LRRTM4: variants seen among roughly 807,000 people sequenced by gnomAD.
LRRTM4 encodes leucine rich repeat transmembrane neuronal 4.
In LRRTM4, 25 loss-of-function variants were observed where a neutral mutation model predicts 47.6. The observed-to-expected ratio is 0.53, with a 90% CI of 0.38 to 0.73. The LOEUF is 0.73. Ranked by LOEUF, LRRTM4 falls within the 30% of genes least tolerant of loss-of-function variation. The probability of loss-of-function intolerance (pLI) is 0.00; values close to 1 mark genes in which losing one functional copy is unlikely to be tolerated. For missense variants in LRRTM4, 638 were observed against 713.4 expected (o/e 0.89, Z 1.20); for synonymous variants, 311 against 269.5 (o/e 1.15, Z -1.51).
chr2:76,973,346 T>G (rs1013292419), intron 3 of LRRTM4, among the ~76,000 whole-genome samples: 1 of 152,026 alleles, frequency 6.6e-6, no homozygotes, highest in African/African-American at 2.4e-5. Flanking sequence ...TTAGATTGAA[T>G]AGCTAACTTT....
At chr2:77,515,609 A>T (rs58752844) in intron 3 of LRRTM4, among the ~76,000 whole-genome samples, 1 of 151,664 alleles carries the variant, frequency 6.6e-6, no homozygotes, top group African/African-American at 2.4e-5. Flanking sequence ...ATTTTTTTTT[A>T]AAAAAACCTA....
chr2:77,314,485 T>C (rs1677561713), intron 3 of LRRTM4, among the ~76,000 whole-genome samples: 1 of 152,220 alleles, frequency 6.6e-6, no homozygotes, highest in African/African-American at 2.4e-5. Context: ...TAGGATCTTA[T>C]CATATTTACC....
At chr2:77,139,333 T>G (rs1210331342) in intron 3 of LRRTM4, among the ~76,000 whole-genome samples, 1 of 152,092 alleles carries the variant, frequency 6.6e-6, no homozygotes, top group Non-Finnish European at 1.5e-5. Flanking sequence ...CGAAAATCAA[T>G]AAACATAATC....
intron 3 of LRRTM4, among the ~76,000 whole-genome samples, chr2:77,308,883 C>T (rs1558681102): frequency 6.6e-6 from 1 of 151,990 alleles, no homozygotes; most frequent in African/African-American, 2.4e-5. Flanking sequence ...GCAAACTCCA[C>T]GTCTCTGTAG....
chr2:76,748,738 CTGGCGATGG>C lies in LRRTM4; in HGVS notation c.1721_1729del (p.Thr574_Ala576del), dbSNP rs1672736619. 6.2e-7 allele frequency: 1 copy of C among 1,613,798 alleles called. No homozygotes were observed. Among genetic ancestry groups the C allele is most frequent in the Non-Finnish European group, 8.5e-7 (1 of 1,179,890 alleles). ...TAGGTAGATGGCCGGTGCTGCCGACCTGGCGATGGTGGCGATGAAGCTGTGGTCTCGGCC... is the reference window on the plus strand; with the variant it reads ...TAGGTAGATGGCCGGTGCTGCCGACCTGGCGATGAAGCTGTGGTCTCGGCC... On this transcript the variant is annotated inframe_deletion, in exon 4 of 4. Coordinates refer to ENST00000409884, the MANE Select transcript of LRRTM4 (RefSeq NM_001134745.3).
intron 3 of LRRTM4, among the ~76,000 whole-genome samples, chr2:77,036,329 G>A (rs1219863023): frequency 2.0e-5 from 3 of 151,658 alleles, no homozygotes; most frequent in African/African-American, 7.3e-5. Context: ...CAATTTCATG[G>A]ACTAGAGTAT....
intron 3 of LRRTM4, among the ~76,000 whole-genome samples, chr2:76,908,677 C>T (rs929487107): frequency 2.6e-5 from 4 of 152,150 alleles, no homozygotes; most frequent in African/African-American, 9.7e-5. Flanking sequence ...ACAAAAATCA[C>T]AAGCATTCTT....
intron 3 of LRRTM4, among the ~76,000 whole-genome samples, chr2:77,481,770 T>C (rs2104019551): frequency 6.6e-6 from 1 of 152,312 alleles, no homozygotes; most frequent in South Asian, 2.1e-4. Flanking sequence ...TAGAAAGTCC[T>C]TTTTCCAAAA....
chr2:76,838,108 A>G (rs895615906), intron 3 of LRRTM4, among the ~76,000 whole-genome samples: 5 of 131,590 alleles, frequency 3.8e-5, no homozygotes, highest in African/African-American at 1.1e-4. Context: ...TAATAAAAGA[A>G]TGGAAGAAGA....
At chr2:76,792,562 T>TATTA (rs1429083803) in intron 3 of LRRTM4, among the ~76,000 whole-genome samples, 1 of 151,406 alleles carries the variant, frequency 6.6e-6, no homozygotes, top group Non-Finnish European at 1.5e-5. Context: ...AGGTAAGTTA[T>TATTA]ATTAATTCTT....
In LRRTM4 at chr2:76,807,469, T is replaced by C. The variant is rs62172136; in HGVS notation, c.1552-58553A>G. 2.9e-4 allele frequency among the ~76,000 whole-genome samples: 20 copies of C among 69,892 alleles called. No homozygotes were observed. The South Asian group carries it at 5.2e-3, about 18-fold the overall frequency. The allele number at this position is 69,892 out of a possible 152,430, so 45.9% of individuals were successfully genotyped here. On this transcript the variant is annotated intron_variant, in intron 3 of 3. Transcript: ENST00000409884. Reference sequence around the variant, plus strand: ...ACATATATATATATACATATATATATACATATATATATATATACATATATA... The same window carrying C: ...ACATATATATATATACATATATATACACATATATATATATATACATATATA...
At chr2:77,119,959 T>C (rs1671483548) in intron 3 of LRRTM4, among the ~76,000 whole-genome samples, 1 of 151,662 alleles carries the variant, frequency 6.6e-6, no homozygotes, top group South Asian at 2.1e-4. Context: ...ACCCTCTGAG[T>C]CTCAATGCCC....
At chr2:77,408,990 A>C (rs528462379) in intron 3 of LRRTM4, among the ~76,000 whole-genome samples, 3 of 152,258 alleles carry the variant, frequency 2.0e-5, no homozygotes, top group African/African-American at 7.2e-5. Flanking sequence ...AGGGAAAAAT[A>C]TTGCCGTTTT....
intron 3 of LRRTM4, among the ~76,000 whole-genome samples, chr2:77,152,121 T>G (rs1160892852): frequency 6.6e-6 from 1 of 152,160 alleles, no homozygotes; most frequent in African/African-American, 2.4e-5. Context: ...ACCTAACGCC[T>G]TCTGGTAATT....
At chr2:76,980,803 G>A (rs1676580574) in intron 3 of LRRTM4, among the ~76,000 whole-genome samples, 1 of 152,052 alleles carries the variant, frequency 6.6e-6, no homozygotes, top group African/African-American at 2.4e-5. Flanking sequence ...TGGATAGAAA[G>A]TATAATTAAG....
At chr2:76,993,470 A>G (rs1182490687) in intron 3 of LRRTM4, among the ~76,000 whole-genome samples, 1 of 152,016 alleles carries the variant, frequency 6.6e-6, no homozygotes, top group African/African-American at 2.4e-5. Context: ...ACTTCTCAAA[A>G]GAAAACATAC....
intron 3 of LRRTM4, among the ~76,000 whole-genome samples, chr2:76,958,361 C>T (rs1403980157): frequency 6.6e-6 from 1 of 151,720 alleles, no homozygotes; most frequent in African/African-American, 2.4e-5. Context: ...GATTTTCCAA[C>T]TCGAAGATAG....
intron 3 of LRRTM4, among the ~76,000 whole-genome samples, chr2:77,356,687 G>C (rs929690065): frequency 1.3e-5 from 2 of 152,092 alleles, no homozygotes; most frequent in African/African-American, 4.8e-5. Context: ...GACTACAAAG[G>C]TCAATGGGTA....
At chr2:77,302,817 G>A (rs562245931) in intron 3 of LRRTM4, among the ~76,000 whole-genome samples, 34 of 152,220 alleles carry the variant, frequency 2.2e-4, no homozygotes, top group African/African-American at 8.2e-4. Flanking sequence ...GAGATATTAG[G>A]GAAGGGAAGA....
Sources: allele counts gnomAD v4.1 joint callset (sites outside exome capture counted in the v4.1 genomes callset), GRCh38; gene constraint gnomAD v4.1.1; transcripts MANE v1.5; gene names NCBI Gene and HGNC (gene_info 2026-07-23, HGNC 2026-07-21).